Variants in ZNF605 observed in about 807,000 individuals in gnomAD.
ZNF605 encodes the protein zinc finger protein 605.
Under a neutral mutation model 7.9 loss-of-function variants are expected in ZNF605, and 9 were observed. The observed-to-expected ratio is 1.14, with a 90% CI of 0.68 to 1.98. ZNF605 has a LOEUF of 1.98. Ranked by LOEUF, ZNF605 falls within the 30% of genes most tolerant of loss-of-function variation. ZNF605 has a pLI of 0.00. For synonymous variants in ZNF605, 255 were observed against 260.1 expected (o/e 0.98, Z 0.19); for missense variants, 673 against 762.4 (o/e 0.88, Z 1.38).
chr12:132,952,152 G>A (rs941709634), intron 1 of ZNF605, among the ~76,000 whole-genome samples: 2 of 151,856 alleles, frequency 1.3e-5, no homozygotes, highest in African/African-American at 2.4e-5. Context: ...GACTGTGAGC[G>A]CTCAGAAGAA....
At chr12:132,936,010 G>A (rs1215235777) in intron 3 of ZNF605, among the ~76,000 whole-genome samples, 3 of 151,728 alleles carry the variant, frequency 2.0e-5, no homozygotes, top group East Asian at 3.9e-4. Flanking sequence ...GCAGTGAGCC[G>A]AGATGGCGCT....
chr12:132,951,453 TAC>T (rs1167460065), intron 1 of ZNF605, among the ~76,000 whole-genome samples: 123 of 147,602 alleles, frequency 8.3e-4, no homozygotes, highest in African/African-American at 2.9e-3. Context: ...CTCATACATA[TAC>T]ACACTCAGAC....
At chr12:132,955,261 A>G (rs1952624686) in intron 1 of ZNF605, among the ~76,000 whole-genome samples, 4 of 152,196 alleles carry the variant, frequency 2.6e-5, no homozygotes, top group African/African-American at 9.6e-5. Flanking sequence ...GGCCTGGCCA[A>G]GCGAGGTGGA....
intron 1 of ZNF605, among the ~76,000 whole-genome samples, chr12:132,951,826 CACACAT>C (rs1952573559): frequency 6.6e-6 from 1 of 151,674 alleles, no homozygotes; most frequent in Non-Finnish European, 1.5e-5. Context: ...ACACATACAC[CACACAT>C]ACACATACAC....
intron 1 of ZNF605, among the ~76,000 whole-genome samples, chr12:132,951,857 CTA>C (rs1952574666): frequency 6.6e-6 from 1 of 151,356 alleles, no homozygotes; most frequent in African/African-American, 2.4e-5. Context: ...ACATCACACA[CTA>C]TACTCACACT....
Position 132,939,005 on chromosome 12 carries a change from C to T in ZNF605, c.16-5850G>A, listed in dbSNP as rs933865269. ...TGCCTCCCCGCGGGGCAGGGCTGGG[C>T]ACCTGCAGCCCACCATGCCTGAGCC... On this transcript the variant is annotated intron_variant, in intron 3 of 4. Transcript: ENST00000360187. Among the ~76,000 whole-genome samples, 20 of 151,014 alleles carry T rather than the reference C, an allele frequency of 1.3e-4. 1 individual carries two copies. The highest frequency in any genetic ancestry group is 3.0e-5 in the Non-Finnish European group (2 of 67,366).
At chr12:132,942,686 C>T (rs1952455622) in intron 3 of ZNF605, among the ~76,000 whole-genome samples, 1 of 152,220 alleles carries the variant, frequency 6.6e-6, no homozygotes, top group South Asian at 2.1e-4. Context: ...TGGGATTGCA[C>T]TCAGGACCTG....
In ZNF605 at chr12:132,918,951, T is replaced by G. The variant is rs1278604; in HGVS notation, c.*6422A>C. 0.81 allele frequency: 123,270 copies of G among 152,134 alleles called. 51,352 individuals carry two copies. The highest frequency in any genetic ancestry group is 0.93 in the South Asian group (4,488 of 4,822). The allele number at this position is 152,134 out of a possible 1,614,324, so 9.4% of individuals were successfully genotyped here. A position where few individuals can be genotyped will look rare whatever the true frequency, so the allele number is the denominator to read the frequency against. ...CACATCTCAGCCAACATCATCTTCTTACAGAATCTGCTTCATACAAACGCA... is the reference window on the plus strand; with the variant it reads ...CACATCTCAGCCAACATCATCTTCTGACAGAATCTGCTTCATACAAACGCA... On this transcript the variant is annotated 3_prime_UTR_variant, in exon 5 of 5. Transcript: ENST00000360187.
chr12:132,955,127 T>C (rs12299969), intron 1 of ZNF605, among the ~76,000 whole-genome samples: 33,036 of 151,732 alleles, frequency 0.22, 3,698 homozygotes, highest in African/African-American at 0.27. Flanking sequence ...GGAAGAGGGT[T>C]GGGAAGGGGA....
chr12:132,933,272 G>A lies in ZNF605; in HGVS notation c.16-117C>T, dbSNP rs1952324531. The A allele has an allele frequency of 6.0e-6, 7 of 1,174,324 alleles. No individual in the cohort carries two copies. Among genetic ancestry groups the A allele is most frequent in the South Asian group, 3.5e-5 (2 of 56,596 alleles). The allele number at this position is 1,174,324 out of a possible 1,614,324, so 72.7% of individuals were successfully genotyped here. On this transcript the variant is annotated intron_variant, in intron 3 of 4. Coordinates refer to ENST00000360187, the MANE Select transcript of ZNF605 (RefSeq NM_183238.4). The surrounding 1 kb of genome is among the most constrained non-coding windows in gnomAD (Gnocchi z 4.4). ...GATGGCCCCAGTGACCTCTGACTCC[G>A]GTATTCATGCTTTTGCATAATCCTC...
At chr12:132,935,685 G>A (rs1952357263) in intron 3 of ZNF605, among the ~76,000 whole-genome samples, 1 of 152,042 alleles carries the variant, frequency 6.6e-6, no homozygotes, top group African/African-American at 2.4e-5. Context: ...GAGGTAAGGA[G>A]ATCGAGACCA....
chr12:132,955,484 G>C (rs1952626817), intron 1 of ZNF605, among the ~76,000 whole-genome samples: 1 of 152,226 alleles, frequency 6.6e-6, no homozygotes, highest in African/African-American at 2.4e-5. Flanking sequence ...CGACGGCAAC[G>C]TGGCAGGTCT....
intron 4 of ZNF605, among the ~76,000 whole-genome samples, chr12:132,929,812 G>T (rs1952288370): frequency 6.6e-6 from 1 of 152,140 alleles, no homozygotes; most frequent in South Asian, 2.1e-4. Flanking sequence ...GGGCGTGGTG[G>T]TGTGCGCCTG....
In ZNF605 at chr12:132,938,009, CT is replaced by C. The variant is rs534774131; in HGVS notation, c.16-4855del. ...ATTTATTATTTATTTGAGAGGGAGT[CT>C]CGCTCTGTCGCCCAGGCTGGAGTGC... is the stretch of plus-strand genomic sequence containing the variant. On this transcript the variant is annotated intron_variant, in intron 3 of 4. Coordinates refer to ENST00000360187, the MANE Select transcript of ZNF605 (RefSeq NM_183238.4). Among the ~76,000 whole-genome samples the C allele has an allele frequency of 2.7e-3, 409 of 152,300 alleles. 2 individuals are homozygous for C. The highest frequency in any genetic ancestry group is 9.3e-3 in the African/African-American group (387 of 41,570).
At chr12:132,945,297 GCTTCTTTGGACAT>G in intron 3 of ZNF605, 1 of 890,446 alleles carries the variant, frequency 1.1e-6, no homozygotes, top group Non-Finnish European at 1.8e-6. Context: ...TCTACTTTGT[GCTTCTTTGGACAT>G]CTTCTTTCCC....
intron 1 of ZNF605, among the ~76,000 whole-genome samples, chr12:132,952,914 C>CTT (rs1952587524): frequency 4.6e-5 from 7 of 152,010 alleles, no homozygotes; most frequent in Non-Finnish European, 1.0e-4. Context: ...CCCACCAACA[C>CTT]GGCCCTGCCA....
In ZNF605 at chr12:132,923,667, T is replaced by G. The variant is rs952861311; in HGVS notation, c.*1706A>C. The G allele has an allele frequency of 6.6e-6, 1 of 152,222 alleles. No homozygotes were observed. The highest frequency in any genetic ancestry group is 1.9e-4 in the East Asian group (1 of 5,200). 9.4% of individuals were successfully genotyped at this position (152,222 alleles called of 1,614,324 possible). A position where few individuals can be genotyped will look rare whatever the true frequency, so the allele number is the denominator to read the frequency against. On this transcript the variant is annotated 3_prime_UTR_variant, in exon 5 of 5. Transcript: ENST00000360187. ...GTGACTCTGAGGTGCACTGCTGTGA[T>G]GTAAATTATGTTTATTCTACTTCAG...
chr12:132,928,471 T>C (rs2137126799), intron 4 of ZNF605, among the ~76,000 whole-genome samples: 1 of 152,328 alleles, frequency 6.6e-6, no homozygotes, highest in Non-Finnish European at 1.5e-5. Context: ...ATCTGTAAAG[T>C]ATATATTTTA....
In ZNF605 at chr12:132,926,754, G is replaced by A. The variant is rs983710424; in HGVS notation, c.545C>T (p.Ser182Leu). 5.0e-6 allele frequency: 8 copies of A among 1,613,754 alleles called. No individual in the cohort carries two copies. Among genetic ancestry groups the A allele is most frequent in the African/African-American group, 4.0e-5 (3 of 74,918 alleles). Reference sequence around the variant, plus strand: ...AGTTCTCTGGTGTATAACAAGTTGTGACTTCTTGTTAAAAAATCTGCCACA... The same window carrying A: ...AGTTCTCTGGTGTATAACAAGTTGTAACTTCTTGTTAAAAAATCTGCCACA... ...MECGRFFNKK[S>L]QLVIHQRTHT... is the part of the protein sequence containing the mutation. The change falls in exon 5 of 5, where the codon TCA (serine) becomes TTA (leucine). Residue 182 changes from serine (S) to leucine (L), a missense_variant. Coordinates refer to ENST00000360187, the MANE Select transcript of ZNF605 (RefSeq NM_183238.4).
Sources: allele counts gnomAD v4.1 joint callset (sites outside exome capture counted in the v4.1 genomes callset), GRCh38; gene constraint gnomAD v4.1.1; non-coding constraint Gnocchi (gnomAD v3.1); transcripts MANE v1.5; gene names NCBI Gene and HGNC (gene_info 2026-07-23, HGNC 2026-07-21).